Variants in PTPRT observed in about 807,000 individuals in gnomAD.
The protein encoded by PTPRT is protein tyrosine phosphatase receptor type T.
A neutral mutation model predicts 176.8 loss-of-function variants in PTPRT; 56 were observed. The observed-to-expected ratio is 0.32, with a 90% CI of 0.26 to 0.40. The LOEUF (loss-of-function observed/expected upper bound fraction) is 0.40. PTPRT is among the 10% of genes least tolerant of loss of function. The pLI is 1.00. For synonymous variants in PTPRT, 783 were observed against 739.0 expected, an observed-to-expected ratio of 1.06 and a Z score of -0.96; for missense variants, 1,540 against 1,908.2, an observed-to-expected ratio of 0.81 and a Z score of 3.60.
intron 1 of PTPRT, among the ~76,000 whole-genome samples, chr20:43,063,968 C>A (rs1039097000): frequency 6.6e-6 from 1 of 151,962 alleles, no homozygotes. Flanking sequence ...TAGCATGGTA[C>A]GTTTATGATT....
intron 9 of PTPRT, among the ~76,000 whole-genome samples, chr20:42,428,652 C>T (rs755372216): frequency 6.6e-6 from 1 of 152,208 alleles, no homozygotes; most frequent in African/African-American, 2.4e-5. Context: ...AATATGTCTA[C>T]TCAGTTGCAG....
rs907153342 is a variant in PTPRT at position 43,091,722 on chromosome 20, G to T, written c.88+97924C>A. ...AAGAAGGTTGGGGATTCTAGAAAGA[G>T]AAGAATTCCAGGACCGCAAGAAGAG... On this transcript the variant is annotated intron_variant, in intron 1 of 30. Coordinates refer to ENST00000373187, the MANE Select transcript of PTPRT (RefSeq NM_007050.6). Among the ~76,000 whole-genome samples the T allele has an allele frequency of 2.0e-5, 3 of 152,136 alleles. No homozygotes were observed. In the South Asian group the frequency reaches 6.2e-4, roughly 32 times the overall value.
intron 1 of PTPRT, among the ~76,000 whole-genome samples, chr20:43,008,504 A>G: frequency 6.6e-6 from 1 of 152,116 alleles, no homozygotes; most frequent in East Asian, 1.9e-4. Context: ...GAGGCTGGCC[A>G]TCATGGTAAA....
At chr20:42,778,676 C>T (rs2077171835) in intron 4 of PTPRT, among the ~76,000 whole-genome samples, 1 of 152,136 alleles carries the variant, frequency 6.6e-6, no homozygotes, top group Non-Finnish European at 1.5e-5. Flanking sequence ...ACACAGTTGC[C>T]CAGTCTTAGG....
intron 6 of PTPRT, among the ~76,000 whole-genome samples, chr20:42,745,320 T>C (rs1045230569): frequency 6.6e-6 from 1 of 152,184 alleles, no homozygotes; most frequent in East Asian, 1.9e-4. Context: ...AGATGAATAG[T>C]AGGGCACTAA....
At chr20:42,161,621 C>G (rs1455272791) in intron 16 of PTPRT, 79 bp from the exon 17 acceptor site, 17 of 1,475,106 alleles carry the variant, frequency 1.2e-5, no homozygotes, top group Non-Finnish European at 1.5e-5. Flanking sequence ...CCCAGCTTGG[C>G]CTGAGGAGGG....
intron 7 of PTPRT, among the ~76,000 whole-genome samples, chr20:42,618,971 G>T (rs553594523): frequency 2.6e-5 from 4 of 151,844 alleles, no homozygotes; most frequent in African/African-American, 9.7e-5. Flanking sequence ...ATGTGAATTT[G>T]ATCCTGTCAT....
intron 15 of PTPRT, among the ~76,000 whole-genome samples, chr20:42,216,100 C>T (rs929123836): frequency 1.3e-5 from 2 of 150,704 alleles, no homozygotes; most frequent in African/African-American, 5.0e-5. Context: ...GCTGAGTGAA[C>T]CTCCTTCTCC....
At chr20:42,976,458 T>A (rs1195309748) in intron 1 of PTPRT, among the ~76,000 whole-genome samples, 1 of 152,096 alleles carries the variant, frequency 6.6e-6, no homozygotes, top group African/African-American at 2.4e-5. Context: ...CAGGCTCAAG[T>A]GCAGTGGTGC....
intron 6 of PTPRT, among the ~76,000 whole-genome samples, chr20:42,739,224 G>A (rs575120443): frequency 6.6e-6 from 1 of 152,272 alleles, no homozygotes; most frequent in African/African-American, 2.4e-5. Flanking sequence ...CATGGCAGTG[G>A]ACAAGACAGG....
At position 42,725,864 on chromosome 20, in the gene PTPRT, A is replaced by C. The variant is rs1294374857; in HGVS notation, c.859+30598T>G. Among the ~76,000 whole-genome samples the C allele has an allele frequency of 2.0e-5, 3 of 150,706 alleles. No individual in the cohort carries two copies. The East Asian group carries it at 5.8e-4, about 29-fold the overall frequency. On this transcript the variant is annotated intron_variant, in intron 6 of 30. Transcript: ENST00000373187. The stretch of plus-strand genomic sequence containing the variant: ...ATCATTCTATTACAAAGATACATGC[A>C]CGTGTGTGTTCACAAACTCTGACTC...
At chr20:42,255,043 G>T (rs1459281361) in intron 13 of PTPRT, among the ~76,000 whole-genome samples, 3 of 152,090 alleles carry the variant, frequency 2.0e-5, no homozygotes, top group African/African-American at 7.2e-5. Flanking sequence ...AAAGGCAGGG[G>T]AATGTGTCAT....
chr20:42,517,989 C>G (rs1184283195), intron 7 of PTPRT, among the ~76,000 whole-genome samples: 1 of 151,844 alleles, frequency 6.6e-6, no homozygotes, highest in Non-Finnish European at 1.5e-5. Flanking sequence ...TATATATTCT[C>G]CTGATTAAAA....
chr20:43,152,726 T>C (rs1481122762), intron 1 of PTPRT, among the ~76,000 whole-genome samples: 2 of 152,246 alleles, frequency 1.3e-5, no homozygotes, highest in Non-Finnish European at 2.9e-5. Flanking sequence ...ATTACCCTTG[T>C]AACCTCAAAA....
At chr20:42,186,521 T>C (rs895109921) in intron 16 of PTPRT, among the ~76,000 whole-genome samples, 15 of 151,712 alleles carry the variant, frequency 9.9e-5, no homozygotes, top group African/African-American at 3.6e-4. Context: ...TGTGAGAAGA[T>C]TATGGTGTCA....
intron 2 of PTPRT, among the ~76,000 whole-genome samples, chr20:42,825,009 T>C (rs2077968093): frequency 6.6e-6 from 1 of 152,062 alleles, no homozygotes; most frequent in African/African-American, 2.4e-5. Flanking sequence ...ACCAGGTCAA[T>C]AGGATGCAGT....
intron 7 of PTPRT, among the ~76,000 whole-genome samples, chr20:42,636,051 T>A (rs1442025626): frequency 6.6e-6 from 1 of 152,168 alleles, no homozygotes; most frequent in African/African-American, 2.4e-5. Context: ...CTTATGAAAT[T>A]AATAGAGTTG....
intron 9 of PTPRT, among the ~76,000 whole-genome samples, chr20:42,405,413 A>C (rs1199632461): frequency 6.6e-6 from 1 of 151,966 alleles, no homozygotes; most frequent in South Asian, 2.1e-4. Context: ...TCATTGTTCA[A>C]TTCCCACCTA....
chr20:43,126,717 C>A (rs1229035130), intron 1 of PTPRT, among the ~76,000 whole-genome samples: 5 of 152,208 alleles, frequency 3.3e-5, no homozygotes, highest in Non-Finnish European at 5.9e-5. Context: ...TTGAGAATGA[C>A]ACCACCCCCT....
Sources: gnomAD v4.1 joint callset for allele counts (sites outside exome capture counted in the v4.1 genomes callset) on GRCh38, gnomAD v4.1.1 for gene constraint, MANE v1.5 for transcripts, NCBI Gene and HGNC (gene_info 2026-07-23, HGNC 2026-07-21) for gene names.